CCDC171: variants seen among roughly 807,000 people sequenced by gnomAD.
CCDC171 encodes coiled-coil domain-containing protein 171.
CCDC171 carries 177 observed loss-of-function variants against 168.2 expected under a neutral mutation model. That is an observed-to-expected ratio of 1.05 (90% CI 0.93 to 1.19). The LOEUF is 1.19. Among genes scored for constraint, CCDC171 ranks in the 50% most tolerant of loss-of-function variants. The pLI, the probability that CCDC171 is intolerant of heterozygous loss-of-function variation, is 0.00. For synonymous variants in CCDC171, 687 were observed against 540.8 expected (o/e 1.27, Z -3.75); for missense variants, 1,991 against 1,539.0 (o/e 1.29, Z -4.91).
chr9:15,863,266 G>T (rs953192082), intron 23 of CCDC171, among the ~76,000 whole-genome samples: 8 of 152,000 alleles, frequency 5.3e-5, no homozygotes, highest in African/African-American at 1.7e-4. Context: ...TACGATTAGA[G>T]AGTGTCTTCA....
At chr9:15,702,665 T>A (rs1449792955) in intron 11 of CCDC171, among the ~76,000 whole-genome samples, 1 of 152,158 alleles carries the variant, frequency 6.6e-6, no homozygotes, top group Admixed American at 6.5e-5. Flanking sequence ...CTGTTTAGTC[T>A]TCACTGAAAA....
At chr9:15,739,999 A>G (rs142786001) in intron 16 of CCDC171, among the ~76,000 whole-genome samples, 86 of 152,218 alleles carry the variant, frequency 5.6e-4, no homozygotes, top group African/African-American at 1.9e-3. Flanking sequence ...GGCCTACCAA[A>G]GTGCTGGGAT....
chr9:15,682,105 A>C (rs898338872), intron 10 of CCDC171, among the ~76,000 whole-genome samples: 1 of 152,100 alleles, frequency 6.6e-6, no homozygotes, highest in African/African-American at 2.4e-5. Flanking sequence ...ATTGGAAAAG[A>C]AAGTTAAAGT....
chr9:15,607,487 G>T (rs2131774703), intron 6 of CCDC171, among the ~76,000 whole-genome samples: 1 of 151,584 alleles, frequency 6.6e-6, no homozygotes, highest in Admixed American at 6.6e-5. Context: ...TTTTAGACAG[G>T]GTCTCACTCT....
At chr9:16,017,316 C>G (rs1160600440) in intron 3 of CCDC171, among the ~76,000 whole-genome samples, 1 of 151,818 alleles carries the variant, frequency 6.6e-6, no homozygotes, top group African/African-American at 2.4e-5. Flanking sequence ...AAAAAAATAC[C>G]ATTTTGATTT....
intron 25 of CCDC171, among the ~76,000 whole-genome samples, chr9:15,962,575 A>G (rs762669707): frequency 6.6e-6 from 1 of 152,148 alleles, no homozygotes; most frequent in South Asian, 2.1e-4. Flanking sequence ...CTGGCAATCA[A>G]TGTCTTATTT....
intron 25 of CCDC171, among the ~76,000 whole-genome samples, chr9:15,934,250 C>T (rs1323967832): frequency 2.0e-5 from 3 of 151,156 alleles, no homozygotes; most frequent in Non-Finnish European, 4.4e-5. Flanking sequence ...ATTAACTGGG[C>T]GTGTTGGCAT....
intron 18 of CCDC171, among the ~76,000 whole-genome samples, chr9:15,754,758 A>G (rs939521416): frequency 1.3e-5 from 2 of 152,140 alleles, no homozygotes; most frequent in African/African-American, 2.4e-5. Flanking sequence ...TACCTATCTC[A>G]TAGAGTTATT....
At chr9:15,746,452 T>C (rs960616744) in intron 18 of CCDC171, among the ~76,000 whole-genome samples, 6 of 152,206 alleles carry the variant, frequency 3.9e-5, no homozygotes, top group African/African-American at 9.7e-5. Context: ...TGGTAAGCAA[T>C]GCGCATATTT....
At chr9:15,908,964 C>G (rs1170390989) in intron 24 of CCDC171, among the ~76,000 whole-genome samples, 3 of 152,186 alleles carry the variant, frequency 2.0e-5, no homozygotes, top group East Asian at 1.9e-4. Flanking sequence ...TACATGCAAA[C>G]TATATCAACA....
the CCDC171 span, among the ~76,000 whole-genome samples, chr9:16,099,789 A>G: frequency 6.6e-6 from 1 of 152,222 alleles, no homozygotes; most frequent in African/African-American, 2.4e-5. Context: ...TAAGAAAAAG[A>G]CTCAAATAGA....
At chr9:15,810,763 C>G (rs953791804) in intron 21 of CCDC171, among the ~76,000 whole-genome samples, 3 of 152,246 alleles carry the variant, frequency 2.0e-5, no homozygotes, top group Non-Finnish European at 4.4e-5. Context: ...GCGCGCAGCC[C>G]TGGTTCCCGC....
intron 7 of CCDC171, among the ~76,000 whole-genome samples, chr9:15,635,874 T>G (rs926720012): frequency 1.3e-5 from 2 of 152,196 alleles, no homozygotes; most frequent in African/African-American, 4.8e-5. Context: ...CAGTTTGTTT[T>G]GTACAGTGGC....
the CCDC171 span, among the ~76,000 whole-genome samples, chr9:16,075,928 C>T: frequency 1.3e-5 from 2 of 152,188 alleles, no homozygotes; most frequent in African/African-American, 2.4e-5. Flanking sequence ...GGGCATCCCA[C>T]CAGTAAGCAC....
chr9:15,763,915 C>T (rs1481027225), intron 18 of CCDC171, among the ~76,000 whole-genome samples: 1 of 151,850 alleles, frequency 6.6e-6, no homozygotes, highest in African/African-American at 2.4e-5. Context: ...TTTTTATTTC[C>T]TTCGAGTAGG....
intron 16 of CCDC171, among the ~76,000 whole-genome samples, chr9:15,742,476 G>A (rs2054946252): frequency 6.6e-6 from 1 of 152,122 alleles, no homozygotes; most frequent in Middle Eastern, 3.2e-3. Context: ...ATAGCTATAA[G>A]CCAAGTGTCA....
At chr9:15,611,548 T>C (rs1231659026) in intron 6 of CCDC171, among the ~76,000 whole-genome samples, 3 of 152,146 alleles carry the variant, frequency 2.0e-5, no homozygotes, top group Non-Finnish European at 4.4e-5. Context: ...GAGTCAGTGC[T>C]CAGGGCGCTG....
intron 21 of CCDC171, among the ~76,000 whole-genome samples, chr9:15,814,032 A>T (rs922212621): frequency 1.1e-4 from 17 of 152,182 alleles, no homozygotes; most frequent in African/African-American, 4.1e-4. Flanking sequence ...TGGCCCCTTG[A>T]CACTTGTGTG....
At chr9:15,687,287 G>C (rs2050463751) in intron 10 of CCDC171, among the ~76,000 whole-genome samples, 1 of 152,074 alleles carries the variant, frequency 6.6e-6, no homozygotes, top group East Asian at 1.9e-4. Context: ...TACAACCATA[G>C]TCATCTATAT....
Sources: gnomAD v4.1 joint callset for allele counts (sites outside exome capture counted in the v4.1 genomes callset) on GRCh38, gnomAD v4.1.1 for gene constraint, MANE v1.5 for transcripts, NCBI Gene and HGNC (gene_info 2026-07-23, HGNC 2026-07-21) for gene names.